Variants in TTC3 observed in about 807,000 individuals in gnomAD.
The protein encoded by TTC3 is E3 ubiquitin-protein ligase TTC3.
TTC3 carries 180 observed loss-of-function variants against 249.6 expected under a neutral mutation model. The observed-to-expected ratio is 0.72, with a 90% CI of 0.64 to 0.82. The LOEUF (loss-of-function observed/expected upper bound fraction) is 0.82. Among genes scored for constraint, TTC3 ranks in the 40% least tolerant of loss-of-function variants. The probability of loss-of-function intolerance (pLI) is 0.00; values close to 1 mark genes in which losing one functional copy is unlikely to be tolerated. For synonymous variants in TTC3, 717 were observed against 805.0 expected (o/e 0.89, Z 1.85); for missense variants, 2,061 against 2,398.4 (o/e 0.86, Z 2.94).
intron 36 of TTC3, among the ~76,000 whole-genome samples, chr21:37,184,627 C>CTCTT (rs1360034116): frequency 1.4e-5 from 1 of 72,098 alleles, no homozygotes. Context: ...ACTAATTTTT[C>CTCTT]TATTTTTTTT....
At chr21:37,143,389 C>A (rs1312349228) in intron 20 of TTC3, among the ~76,000 whole-genome samples, 1 of 151,942 alleles carries the variant, frequency 6.6e-6, no homozygotes, top group African/African-American at 2.4e-5. Flanking sequence ...AGAACTCAAA[C>A]AAATTTACAA....
chr21:37,186,026 ATTG>A (rs1306999597), intron 37 of TTC3: 2 of 178,166 alleles, frequency 1.1e-5, no homozygotes, highest in African/African-American at 2.4e-5. Flanking sequence ...TACTGAATTT[ATTG>A]TTGTCAACTT....
intron 23 of TTC3, among the ~76,000 whole-genome samples, chr21:37,149,268 C>T (rs1316019537): frequency 6.6e-6 from 1 of 152,128 alleles, no homozygotes; most frequent in African/African-American, 2.4e-5. Context: ...CCTTTTCCTA[C>T]ACTTCTTAGG....
chr21:37,173,039 G>C (rs1844376209), intron 35 of TTC3, among the ~76,000 whole-genome samples: 1 of 152,092 alleles, frequency 6.6e-6, no homozygotes, highest in African/African-American at 2.4e-5. Context: ...TGAGCTCTGA[G>C]GTAAATTCTT....
At chr21:37,090,342 C>T in intron 6 of TTC3, 56 bp downstream of exon 6, 8 of 1,434,372 alleles carry the variant, frequency 5.6e-6, no homozygotes, top group Non-Finnish European at 7.8e-6. Context: ...GCAGTCATCT[C>T]ACTGCTCATT....
intron 10 of TTC3, chr21:37,097,820 G>A (rs1108966): frequency 0.12 from 69,807 of 561,000 alleles, 5,137 homozygotes; most frequent in Non-Finnish European, 0.14. Flanking sequence ...CAGTGAAAGC[G>A]CTTGTATGGG....
Position 37,148,659 on chromosome 21 carries a change from C to A in TTC3, c.2118+12C>A. 3 of 1,535,550 alleles carry A rather than the reference C, an allele frequency of 2.0e-6. No individual in the cohort carries two copies. Among genetic ancestry groups the A allele is most frequent in the Non-Finnish European group, 2.6e-6 (3 of 1,138,274 alleles). On this transcript the variant is annotated intron_variant, in intron 23 of 45. Transcript: ENST00000355666. ...ATAAAATTGACAAGGTAAAGCATAACAGGATTGTCTGAATTTTTCAGTATA... is the reference window on the plus strand; with the variant it reads ...ATAAAATTGACAAGGTAAAGCATAAAAGGATTGTCTGAATTTTTCAGTATA...
chr21:37,122,435 TATTA>T (rs1486708629), intron 12 of TTC3, among the ~76,000 whole-genome samples: 3,373 of 30,572 alleles, frequency 0.11, 163 homozygotes, highest in African/African-American at 0.24. Flanking sequence ...TATATATATA[TATTA>T]TATATATATA....
At chr21:37,165,381 A>T (rs924919060) in intron 32 of TTC3, among the ~76,000 whole-genome samples, 169 bp from the exon 33 acceptor site, 1 of 152,186 alleles carries the variant, frequency 6.6e-6, no homozygotes. Context: ...TCTTTATAGT[A>T]TCATTGATTG....
At chr21:37,136,289 T>C (rs1001775638) in intron 18 of TTC3, among the ~76,000 whole-genome samples, 2 of 152,190 alleles carry the variant, frequency 1.3e-5, no homozygotes. Flanking sequence ...ATGATTAAGC[T>C]TCGTGAGGAA....
At chr21:37,175,316 G>A (rs547737639) in intron 35 of TTC3, among the ~76,000 whole-genome samples, 18 of 148,152 alleles carry the variant, frequency 1.2e-4, no homozygotes, top group South Asian at 2.2e-4. Flanking sequence ...GGCCGGGCAC[G>A]GTGGCTTACA....
chr21:37,144,490 C>T (rs756219470), intron 20 of TTC3, 35 bp from the exon 21 acceptor site: 17 of 1,593,230 alleles, frequency 1.1e-5, no homozygotes, highest in Non-Finnish European at 1.5e-5. Flanking sequence ...TACCATTTTA[C>T]ATCTTTAATG....
intron 26 of TTC3, among the ~76,000 whole-genome samples, chr21:37,152,386 T>TG (rs2079551178): frequency 6.6e-6 from 1 of 151,634 alleles, no homozygotes; most frequent in African/African-American, 2.4e-5. Flanking sequence ...GTTGTTTTTT[T>TG]TTTTTGTTTT....
intron 27 of TTC3, among the ~76,000 whole-genome samples, chr21:37,154,633 C>T (rs2079822098): frequency 6.6e-6 from 1 of 152,122 alleles, no homozygotes; most frequent in African/African-American, 2.4e-5. Flanking sequence ...CACTTGAGCC[C>T]TCCAGCTCAC....
intron 10 of TTC3, chr21:37,097,944 A>C: frequency 2.8e-6 from 2 of 713,676 alleles, no homozygotes; most frequent in Non-Finnish European, 5.2e-6. Flanking sequence ...AAATTTGGAA[A>C]ATACAAGAGT....
intron 10 of TTC3, among the ~76,000 whole-genome samples, chr21:37,106,337 A>T (rs2075073923): frequency 1.3e-5 from 2 of 152,158 alleles, no homozygotes; most frequent in Non-Finnish European, 1.5e-5. Context: ...TGTATTGCAA[A>T]TATCTTCTCA....
At chr21:37,162,417 G>A (rs202052321) in intron 31 of TTC3, among the ~76,000 whole-genome samples, 1 of 248 alleles carries the variant, frequency 4.0e-3, no homozygotes, top group East Asian at 0.12. Flanking sequence ...TACTTACTAG[G>A]CATTTTTGCC....
At chr21:37,138,658 T>C in exon 19 of TTC3, 1 of 1,612,204 alleles carries the variant, frequency 6.2e-7, no homozygotes, top group Non-Finnish European at 8.5e-7. Context: ...CATGATTAAC[T>C]ATGTTTTGGT....
exon 32 of TTC3, chr21:37,164,146 A>G: frequency 1.2e-6 from 2 of 1,613,868 alleles, no homozygotes; most frequent in Non-Finnish European, 1.7e-6. Flanking sequence ...CAACACAGTA[A>G]CGAATATGTT....
Sources: allele counts gnomAD v4.1 joint callset (sites outside exome capture counted in the v4.1 genomes callset), GRCh38; gene constraint gnomAD v4.1.1; transcripts MANE v1.5; gene names NCBI Gene and HGNC (gene_info 2026-07-23, HGNC 2026-07-21).